Variants in PLEKHA7 observed in about 807,000 individuals in gnomAD.
The protein encoded by PLEKHA7 is pleckstrin homology domain-containing family A member 7.
PLEKHA7 carries 104 observed loss-of-function variants against 170.0 expected under a neutral mutation model. The observed-to-expected ratio is 0.61, with a 90% CI of 0.52 to 0.72. The LOEUF (loss-of-function observed/expected upper bound fraction) is 0.72, where lower values mean the gene tolerates loss of function less well. Among genes scored for constraint, PLEKHA7 ranks in the 30% least tolerant of loss-of-function variants. The probability of loss-of-function intolerance (pLI) is 0.00; values close to 1 mark genes in which losing one functional copy is unlikely to be tolerated. For missense variants in PLEKHA7, 1,615 were observed against 1,671.7 expected (o/e 0.97, Z 0.59); for synonymous variants, 648 against 660.8 (o/e 0.98, Z 0.30).
At chr11:16,944,660 A>G (rs1860910570) in intron 3 of PLEKHA7, among the ~76,000 whole-genome samples, 1 of 152,050 alleles carries the variant, frequency 6.6e-6, no homozygotes, top group African/African-American at 2.4e-5. Flanking sequence ...CTTTCTATGT[A>G]TGTGAGGTAC....
Position 16,794,516 on chromosome 11 carries a change from T to C in PLEKHA7, c.2717A>G (p.Gln906Arg). 1 of 1,613,908 alleles carries C rather than the reference T, an allele frequency of 6.2e-7. No individual in the cohort carries two copies. Among genetic ancestry groups the C allele is most frequent in the Non-Finnish European group, 8.5e-7 (1 of 1,179,992 alleles). Residue 906 changes from glutamine to arginine, a missense_variant, in exon 19 of 27, where the codon CAG becomes CGG. Gln to Arg is a conservative substitution (Grantham distance 43). Coordinates refer to ENST00000531066, the MANE Select transcript of PLEKHA7 (RefSeq NM_001329630.2). ...PQLRKVTSPL[Q>R]SPTKAKPKVE... ...TTTGGGCTTCGCCTTAGTTGGTGAC[T>C]GAAGGGGGGATGTCACTTTCCTCAG...
In PLEKHA7 at chr11:16,970,852, T is replaced by C. The variant is rs557598273; in HGVS notation, c.221+43137A>G. The stretch of plus-strand genomic sequence containing the variant: ...ATGAGAAAAGACAGGAAGAAAAAAA[T>C]GTTAATAGTAGTTAAACCTACAGGA... On this transcript the variant is annotated intron_variant, in intron 3 of 26. Transcript: ENST00000531066. 2.6e-5 allele frequency among the ~76,000 whole-genome samples: 4 copies of C among 152,240 alleles called. 1 individual carries two copies. In the South Asian group the frequency reaches 8.3e-4, roughly 32 times the overall value.
chr11:16,979,411 T>A (rs1863277948), intron 3 of PLEKHA7, among the ~76,000 whole-genome samples: 1 of 132,742 alleles, frequency 7.5e-6, no homozygotes, highest in East Asian at 1.9e-4. Context: ...CAGCCCCACC[T>A]TCAGGGTAAG....
At chr11:16,921,092 C>T (rs556319418) in intron 3 of PLEKHA7, among the ~76,000 whole-genome samples, 8 of 152,284 alleles carry the variant, frequency 5.3e-5, no homozygotes, top group South Asian at 2.1e-4. Context: ...TTTCGCAGGG[C>T]GTTTTTTTGT....
intron 3 of PLEKHA7, among the ~76,000 whole-genome samples, chr11:16,904,669 A>G (rs1216979675): frequency 6.6e-6 from 1 of 152,230 alleles, no homozygotes; most frequent in East Asian, 1.9e-4. Flanking sequence ...AAATAAAAGC[A>G]TACATAATAA....
intron 3 of PLEKHA7, among the ~76,000 whole-genome samples, chr11:16,933,155 G>A (rs1860061843): frequency 6.6e-6 from 1 of 152,256 alleles, no homozygotes; most frequent in Non-Finnish European, 1.5e-5. Context: ...ATTGTCCTAA[G>A]AACTCTGTAT....
At chr11:16,881,070 T>C (rs926216291) in intron 3 of PLEKHA7, among the ~76,000 whole-genome samples, 2 of 152,246 alleles carry the variant, frequency 1.3e-5, no homozygotes, top group African/African-American at 2.4e-5. Flanking sequence ...GTGTAGTTAA[T>C]GATACTTATG....
intron 4 of PLEKHA7, among the ~76,000 whole-genome samples, chr11:16,856,897 G>A (rs1026691187): frequency 6.6e-5 from 10 of 152,168 alleles, no homozygotes; most frequent in African/African-American, 2.4e-4. Flanking sequence ...GGTCATTGGA[G>A]ACCAAGCAGA....
In PLEKHA7 at chr11:16,889,420, A is replaced by AAAAAAAAAAATATAT. The variant is rs61086849; in HGVS notation, c.222-18239_222-18238insATATATTTTTTTTTT. Among the ~76,000 whole-genome samples the AAAAAAAAAAATATAT allele has an allele frequency of 2.4e-3, 176 of 74,598 alleles. 1 individual carries two copies. The highest frequency in any genetic ancestry group is 3.0e-3 in the Non-Finnish European group (127 of 42,206). 48.9% of individuals were successfully genotyped at this position (74,598 alleles called of 152,430 possible). A position where few individuals can be genotyped will look rare whatever the true frequency, so the allele number is the denominator to read the frequency against. ...TTGCTCAAAAAAAAAAAAAAAAAAA[A>AAAAAAAAAAATATAT]ATATATATATATATATATATATATA... On this transcript the variant is annotated intron_variant, in intron 3 of 26. Transcript: ENST00000531066.
intron 3 of PLEKHA7, among the ~76,000 whole-genome samples, chr11:17,009,907 C>T (rs1865223596): frequency 6.6e-6 from 1 of 152,078 alleles, no homozygotes; most frequent in Admixed American, 6.5e-5. Context: ...GAATTGCAGG[C>T]ATGAGCCACT....
At chr11:16,896,410 T>TC (rs34788947) in intron 3 of PLEKHA7, among the ~76,000 whole-genome samples, 1 of 152,022 alleles carries the variant, frequency 6.6e-6, no homozygotes, top group South Asian at 2.1e-4. Flanking sequence ...AAGCTGTCCC[T>TC]CCCCAAATGC....
chr11:16,821,947 TCTC>T (rs1418721254), intron 10 of PLEKHA7, among the ~76,000 whole-genome samples: 1 of 151,292 alleles, frequency 6.6e-6, no homozygotes, highest in Non-Finnish European at 1.5e-5. Flanking sequence ...AATGAGCTGT[TCTC>T]CTCTACAGAC....
chr11:16,989,149 T>TAAAATC (rs1177317320), intron 3 of PLEKHA7, among the ~76,000 whole-genome samples: 1 of 152,184 alleles, frequency 6.6e-6, no homozygotes, highest in Non-Finnish European at 1.5e-5. Flanking sequence ...TAATGCAGCT[T>TAAAATC]AAAATCAAAA....
At chr11:16,886,459 C>G (rs1229786636) in intron 3 of PLEKHA7, among the ~76,000 whole-genome samples, 1 of 152,164 alleles carries the variant, frequency 6.6e-6, no homozygotes, top group South Asian at 2.1e-4. Flanking sequence ...GCCTGTAATC[C>G]CAGCACTTTG....
chr11:16,901,449 T>C (rs772930743), intron 3 of PLEKHA7, among the ~76,000 whole-genome samples: 2 of 152,234 alleles, frequency 1.3e-5, no homozygotes, highest in Non-Finnish European at 2.9e-5. Flanking sequence ...TCCTCTAAAT[T>C]CCACCACTAG....
chr11:16,981,938 G>A (rs1454607740), intron 3 of PLEKHA7, among the ~76,000 whole-genome samples: 6 of 152,056 alleles, frequency 3.9e-5, no homozygotes, highest in Non-Finnish European at 5.9e-5. Flanking sequence ...GTTTACCCAC[G>A]TTGCCCTTAT....
At chr11:16,962,079 C>A (rs1862096523) in intron 3 of PLEKHA7, among the ~76,000 whole-genome samples, 1 of 152,184 alleles carries the variant, frequency 6.6e-6, no homozygotes, top group Non-Finnish European at 1.5e-5. Context: ...AACCTTTAAT[C>A]GATTCTTTTT....
intron 3 of PLEKHA7, among the ~76,000 whole-genome samples, chr11:16,964,521 G>T (rs539157248): frequency 1.3e-5 from 2 of 152,272 alleles, no homozygotes; most frequent in South Asian, 4.1e-4. Flanking sequence ...TCATACCCCA[G>T]GATGTCTGCA....
chr11:16,903,871 A>C (rs555226298), intron 3 of PLEKHA7, among the ~76,000 whole-genome samples: 4 of 152,358 alleles, frequency 2.6e-5, no homozygotes, highest in South Asian at 2.1e-4. Context: ...GTCAGACAGC[A>C]AACAGGCCTT....
Sources: gnomAD v4.1 joint callset for allele counts (sites outside exome capture counted in the v4.1 genomes callset) on GRCh38, gnomAD v4.1.1 for gene constraint, MANE v1.5 for transcripts, NCBI Gene and HGNC (gene_info 2026-07-23, HGNC 2026-07-21) for gene names.